The following SCUBE1 variants were observed in gnomAD, a reference collection of about 807,000 sequenced individuals.
SCUBE1 encodes the protein signal peptide, CUB and EGF-like domain-containing protein 1.
A neutral mutation model predicts 124.4 loss-of-function variants in SCUBE1; 59 were observed. The ratio of observed to expected loss-of-function variants is 0.47; its 90% CI spans 0.38 to 0.59. The LOEUF is 0.59. SCUBE1 is among the 20% of genes least tolerant of loss of function. The pLI, the probability that SCUBE1 is intolerant of heterozygous loss-of-function variation, is 0.00. For missense variants in SCUBE1, 1,150 were observed against 1,371.2 expected, an observed-to-expected ratio of 0.84 and a Z score of 2.55; for synonymous variants, 545 against 550.9, an observed-to-expected ratio of 0.99 and a Z score of 0.15.
intron 6 of SCUBE1, 36 bp from the exon 7 acceptor site, chr22:43,238,990 T>G (rs1023183532): frequency 1.3e-6 from 2 of 1,539,526 alleles, no homozygotes; most frequent in Admixed American, 3.4e-5. Context: ...TCAGTTTCCT[T>G]GGACAGAAGC....
At chr22:43,267,151 G>A (rs1348918961) in intron 4 of SCUBE1, among the ~76,000 whole-genome samples, 2 of 152,074 alleles carry the variant, frequency 1.3e-5, no homozygotes, top group East Asian at 1.9e-4. Context: ...AGTTGCTTCC[G>A]TCACACTCTT....
chr22:43,235,675 C>T (rs1922731732), intron 7 of SCUBE1, among the ~76,000 whole-genome samples: 1 of 152,152 alleles, frequency 6.6e-6, no homozygotes, highest in African/African-American at 2.4e-5. Context: ...CGTCTGCTTT[C>T]TCTCACTGCC....
intron 2 of SCUBE1, among the ~76,000 whole-genome samples, chr22:43,328,703 G>A (rs988232693): frequency 6.6e-6 from 1 of 152,202 alleles, no homozygotes; most frequent in African/African-American, 2.4e-5. Context: ...GCAGTGGGCA[G>A]GGCCTGAGCT....
At chr22:43,257,618 C>T (rs1055533247) in intron 6 of SCUBE1, among the ~76,000 whole-genome samples, 3 of 152,156 alleles carry the variant, frequency 2.0e-5, no homozygotes, top group Non-Finnish European at 2.9e-5. Flanking sequence ...GAAGAAAGGC[C>T]AGCAGGGGCC....
rs13433526 is a variant in SCUBE1, at chr22:43,256,798, C to T, written c.727+1421G>A. Among the ~76,000 whole-genome samples, 1,440 of 152,190 alleles carry T rather than the reference C, an allele frequency of 9.5e-3. 13 individuals are homozygous for T. The highest frequency in any genetic ancestry group is 0.014 in the Non-Finnish European group (949 of 67,994). On this transcript the variant is annotated intron_variant, in intron 6 of 21. Transcript: ENST00000360835. ...GAGACAGGAGGGAGGCTGGGTGGCC[C>T]GGGAGAGCCCCAGGCCGGACAGTGG...
At chr22:43,215,549 G>A (rs1569497201) in intron 15 of SCUBE1, among the ~76,000 whole-genome samples, 1 of 152,234 alleles carries the variant, frequency 6.6e-6, no homozygotes, top group Non-Finnish European at 1.5e-5. Flanking sequence ...TGAAAGTGAA[G>A]CCAGTGGCGG....
At chr22:43,304,917 A>G (rs6003147) in intron 3 of SCUBE1, among the ~76,000 whole-genome samples, 109,397 of 152,032 alleles carry the variant, frequency 0.72, 41,527 homozygotes, top group Middle Eastern at 0.86. Flanking sequence ...ATTTCTGCAC[A>G]TGGCCTGGGA....
intron 3 of SCUBE1, among the ~76,000 whole-genome samples, chr22:43,311,829 C>T (rs17003644): frequency 0.028 from 4,275 of 152,188 alleles, 216 homozygotes; most frequent in African/African-American, 0.097. Flanking sequence ...TAATCTTTAC[C>T]TCTGCCCTAT....
At chr22:43,302,123 T>A (rs2253884) in intron 3 of SCUBE1, among the ~76,000 whole-genome samples, 1 of 152,110 alleles carries the variant, frequency 6.6e-6, no homozygotes, top group South Asian at 2.1e-4. Context: ...TGTGCTCATC[T>A]GCCGCCTTAG....
rs1353020790 is a variant in SCUBE1 at position 43,281,491 on chromosome 22, C to A, written c.484+9555G>T. Among the ~76,000 whole-genome samples, 381 of 77,656 alleles carry A rather than the reference C, an allele frequency of 4.9e-3. 40 individuals carry two copies. Among genetic ancestry groups the A allele is most frequent in the African/African-American group, 0.021 (357 of 17,110 alleles). 50.9% of individuals were successfully genotyped at this position (77,656 alleles called of 152,430 possible). A position where few individuals can be genotyped will look rare whatever the true frequency, so the allele number is the denominator to read the frequency against. On this transcript the variant is annotated intron_variant, in intron 4 of 21. Transcript: ENST00000360835. ...CCCTCCTGTCACCTCCCTCTTTGGC[C>A]ACCCTCCTGTCACCTCCTCCTCAGC...
Position 43,339,123 on chromosome 22 carries a change from C to A in SCUBE1, c.201G>T (p.Gly67=), listed in dbSNP as rs772168861. ...ACTCACCTTCACACTGCTTGCCTTCCCCCTTGTAGCCTGGCTTGCAGAGGC... is the reference window on the plus strand; with the variant it reads ...ACTCACCTTCACACTGCTTGCCTTCACCCTTGTAGCCTGGCTTGCAGAGGC... ...YKCLCKPGYK[G]EGKQCEDIDE... The change falls in exon 2 of 22, where the codon GGG becomes GGT. Residue 67 remains glycine, a synonymous_variant. Coordinates refer to ENST00000360835, the MANE Select transcript of SCUBE1 (RefSeq NM_173050.5). 14 of 1,613,860 alleles carry A rather than the reference C, an allele frequency of 8.7e-6. 1 individual carries two copies. In the South Asian group the frequency reaches 1.5e-4, roughly 18 times the overall value.
intron 4 of SCUBE1, among the ~76,000 whole-genome samples, chr22:43,281,583 CCCTTCTCAGCCACCCTCCTGTCACCT>C (rs1924905592): frequency 2.1e-5 from 3 of 145,922 alleles, no homozygotes; most frequent in African/African-American, 7.8e-5. Flanking sequence ...CCTGTCACCT[CCCTTCTCAGCCACCCTCCTGTCACCT>C]CCTCCTCAGC....
At chr22:43,253,286 A>ACTCG (rs1601831280) in intron 6 of SCUBE1, among the ~76,000 whole-genome samples, 1 of 152,354 alleles carries the variant, frequency 6.6e-6, no homozygotes, top group East Asian at 1.9e-4. Flanking sequence ...GGTGCTAAGA[A>ACTCG]TGATGAGCTC....
chr22:43,248,086 G>A (rs1301854977), intron 6 of SCUBE1, among the ~76,000 whole-genome samples: 1 of 152,248 alleles, frequency 6.6e-6, no homozygotes, highest in Non-Finnish European at 1.5e-5. Context: ...CACAGCTGGT[G>A]GGGCTGGGAG....
intron 3 of SCUBE1, among the ~76,000 whole-genome samples, chr22:43,304,510 C>G (rs769744007): frequency 9.3e-5 from 11 of 117,852 alleles, no homozygotes; most frequent in African/African-American, 3.5e-4. Context: ...AGGCTGAACC[C>G]AGGCAGAGAG....
chr22:43,248,837 G>T (rs1448911773), intron 6 of SCUBE1, among the ~76,000 whole-genome samples: 1 of 152,168 alleles, frequency 6.6e-6, no homozygotes, highest in Non-Finnish European at 1.5e-5. Flanking sequence ...CTCTGAGCTG[G>T]ATACCTGCCT....
Position 43,227,403 on chromosome 22 carries a change from C to G in SCUBE1, c.1178G>C (p.Arg393Pro). ...GCAATCCTTCCCGTTCCAGTGGAGC[C>G]GCCTCCCCGGGGGACAGACGCACTC... ...SYECVCPPGR[R>P]LHWNGKDCVE... is the part of the protein sequence containing the mutation. The change falls in exon 10 of 22, where the codon CGG (arginine) becomes CCG (proline). Residue 393 changes from arginine (R) to proline (P), a missense_variant. Around this residue, in one of 3 missense-constraint regions of SCUBE1, gnomAD observed 757 missense variants for 840.9 expected, o/e 0.90. Transcript: ENST00000360835. 9 of 1,612,042 alleles carry G rather than the reference C, an allele frequency of 5.6e-6. No homozygotes were observed. Among genetic ancestry groups the G allele is most frequent in the South Asian group, 1.1e-5 (1 of 90,902 alleles).
chr22:43,220,397 C>G, intron 14 of SCUBE1, 53 bp downstream of exon 14: 1 of 1,587,758 alleles, frequency 6.3e-7, no homozygotes, highest in Non-Finnish European at 8.6e-7. Context: ...GCGCCACCAG[C>G]CTGTCGTCCT....
intron 2 of SCUBE1, among the ~76,000 whole-genome samples, chr22:43,320,765 A>G (rs1926516283): frequency 6.6e-6 from 1 of 152,234 alleles, no homozygotes; most frequent in Admixed American, 6.5e-5. Flanking sequence ...ATTTTGCAAG[A>G]GCACTGAAGA....
Sources: allele counts gnomAD v4.1 joint callset (sites outside exome capture counted in the v4.1 genomes callset), GRCh38; gene constraint gnomAD v4.1.1; regional missense constraint gnomAD v4.1.1; transcripts MANE v1.5; gene names NCBI Gene and HGNC (gene_info 2026-07-23, HGNC 2026-07-21).